The following TRPV4 variants were observed in gnomAD, a reference collection of about 807,000 sequenced individuals.
TRPV4 encodes transient receptor potential cation channel subfamily V member 4, also known as OSM9-like transient receptor potential channel 4.
Under a neutral mutation model 84.1 loss-of-function variants are expected in TRPV4, and 58 were observed. The ratio of observed to expected loss-of-function variants is 0.69; its 90% CI spans 0.56 to 0.86. The LOEUF is 0.86. Among genes scored for constraint, TRPV4 ranks in the 40% least tolerant of loss-of-function variants. The pLI is 0.00. For missense variants in TRPV4, 879 were observed against 1,181.1 expected (o/e 0.74, Z 3.75); for synonymous variants, 489 against 500.9 (o/e 0.98, Z 0.32).
rs749832753 is a variant in TRPV4 at position 109,794,501 on chromosome 12, G to A, written c.1333-14C>T. On this transcript the variant is annotated splice_polypyrimidine_tract_variant and intron_variant, in intron 7 of 15. Coordinates refer to ENST00000261740, the MANE Select transcript of TRPV4 (RefSeq NM_021625.5). ...CTCGTGGCGGTTCTAAGAGAGGCAG[G>A]GTGGTCGGGGGCTGCCTTCCTGAGA... 3.6e-5 allele frequency: 58 copies of A among 1,613,638 alleles called. No individual in the cohort carries two copies. Among genetic ancestry groups the A allele is most frequent in the Non-Finnish European group, 4.8e-5 (57 of 1,179,988 alleles).
At chr12:109,828,633 G>C (rs919089619) in intron 1 of TRPV4, among the ~76,000 whole-genome samples, 3 of 152,220 alleles carry the variant, frequency 2.0e-5, no homozygotes, top group Admixed American at 6.5e-5. Context: ...GCGGAGCTGG[G>C]AGGTAAGCTA....
chr12:109,824,299 T>C (rs1225792732), intron 1 of TRPV4, among the ~76,000 whole-genome samples: 1 of 152,072 alleles, frequency 6.6e-6, no homozygotes, highest in Non-Finnish European at 1.5e-5. Context: ...TGGCACGTAG[T>C]AGGAGCTCAA....
At chr12:109,787,741 T>G (rs368078471) in intron 13 of TRPV4, among the ~76,000 whole-genome samples, 27 of 152,296 alleles carry the variant, frequency 1.8e-4, no homozygotes, top group East Asian at 1.4e-3. Flanking sequence ...TGCACCATTT[T>G]CCTGAAATGC....
chr12:109,811,588 G>A (rs1335473848), intron 2 of TRPV4, among the ~76,000 whole-genome samples: 1 of 151,882 alleles, frequency 6.6e-6, no homozygotes, highest in East Asian at 1.9e-4. Flanking sequence ...AACCTGGGAG[G>A]TGGAGGTTGC....
chr12:109,788,760 C>CACAG (rs1387876350), intron 12 of TRPV4, 44 bp from the exon 13 acceptor site: 24 of 1,606,380 alleles, frequency 1.5e-5, no homozygotes, highest in Non-Finnish European at 2.0e-5. Flanking sequence ...TGAGCACACC[C>CACAG]ACAGAGAGGT....
At chr12:109,807,707 GT>G (rs1219978646) in intron 3 of TRPV4, among the ~76,000 whole-genome samples, 2 of 152,176 alleles carry the variant, frequency 1.3e-5, no homozygotes, top group African/African-American at 2.4e-5. Context: ...TGAGGTGGGT[GT>G]TTTGAATCTG....
chr12:109,809,148 CACT>C (rs2136616984), intron 2 of TRPV4, among the ~76,000 whole-genome samples: 1 of 148,424 alleles, frequency 6.7e-6, no homozygotes, highest in African/African-American at 2.5e-5. Flanking sequence ...ATCCATTCAT[CACT>C]CATCCATCCA....
chr12:109,811,614 C>T (rs1350364659), intron 2 of TRPV4, among the ~76,000 whole-genome samples: 56 of 150,644 alleles, frequency 3.7e-4, no homozygotes, highest in Non-Finnish European at 6.8e-4. Context: ...GCCAAGATAG[C>T]GCCACTGCAC....
At chr12:109,830,017 T>C (rs1039356053) in intron 1 of TRPV4, among the ~76,000 whole-genome samples, 2 of 152,224 alleles carry the variant, frequency 1.3e-5, no homozygotes, top group Middle Eastern at 3.2e-3. Context: ...AGTTTCACCA[T>C]GTTGCCCAGG....
At chr12:109,817,861 G>C (rs1891928570) in intron 1 of TRPV4, among the ~76,000 whole-genome samples, 1 of 152,134 alleles carries the variant, frequency 6.6e-6, no homozygotes. Flanking sequence ...AGCACTACTG[G>C]CATCTGGTAG....
Position 109,784,241 on chromosome 12 carries a change from G to C in TRPV4, c.2458+75C>G, listed in dbSNP as rs1592813193. ...AGACACGGACACTGAGTCCCGGAAA[G>C]AAGCAGGACTGCTCAAAGCAAATTC... On this transcript the variant is annotated intron_variant, in intron 15 of 15. Coordinates refer to ENST00000261740, the MANE Select transcript of TRPV4 (RefSeq NM_021625.5). 4 of 1,605,068 alleles carry C rather than the reference G, an allele frequency of 2.5e-6. No homozygotes were observed. In the East Asian group the frequency reaches 6.7e-5, roughly 27 times the overall value.
intron 1 of TRPV4, among the ~76,000 whole-genome samples, chr12:109,822,505 G>A (rs1198030446): frequency 2.6e-5 from 4 of 152,328 alleles, no homozygotes; most frequent in South Asian, 4.1e-4. Flanking sequence ...CCACCTTCCA[G>A]GTAAGAAAAC....
chr12:109,814,700 G>A lies in TRPV4; in HGVS notation c.97C>T (p.Leu33Phe), dbSNP rs1295949196. Residue 33 changes from leucine to phenylalanine, a missense_variant, in exon 2 of 16, where the codon CTC (leucine) becomes TTC (phenylalanine). Leu to Phe is a conservative substitution (Grantham distance 22). Around this residue, in one of 4 missense-constraint regions of TRPV4, gnomAD observed 107 missense variants for 99.4 expected, o/e 1.08. Coordinates refer to ENST00000261740, the MANE Select transcript of TRPV4 (RefSeq NM_021625.5). The surrounding 1 kb of genome is among the most constrained non-coding windows in gnomAD (Gnocchi z 5.4). Reference sequence around the variant, plus strand: ...TCAAACAGATTGGCCAGGGAGGAGAGAGGAAAAGCCTCCCCACCTGGGGTG... The same window carrying A: ...TCAAACAGATTGGCCAGGGAGGAGAAAGGAAAAGCCTCCCCACCTGGGGTG... Reference protein sequence around the residue: ...SGTPGGEAFPLSSLANLFEGE... With the variant: ...SGTPGGEAFPFSSLANLFEGE... 2 of 1,609,738 alleles carry A rather than the reference G, an allele frequency of 1.2e-6. No homozygotes were observed. Among genetic ancestry groups the A allele is most frequent in the Admixed American group, 3.4e-5 (2 of 59,544 alleles).
intron 7 of TRPV4, among the ~76,000 whole-genome samples, chr12:109,795,939 G>T (rs11068319): frequency 0.61 from 91,910 of 150,274 alleles, 29,119 homozygotes; most frequent in East Asian, 0.96. Context: ...ATTTTTTTTT[G>T]GTAGAGACGG....
chr12:109,816,387 C>G (rs1461587952), intron 1 of TRPV4, among the ~76,000 whole-genome samples: 2 of 152,202 alleles, frequency 1.3e-5, no homozygotes, highest in Non-Finnish European at 2.9e-5. Flanking sequence ...CCTCAGTTTC[C>G]TCCTCTGCAA....
chr12:109,818,942 C>T (rs1485764009), intron 1 of TRPV4, among the ~76,000 whole-genome samples: 2 of 152,268 alleles, frequency 1.3e-5, no homozygotes, highest in East Asian at 1.9e-4. Flanking sequence ...GCTAAGGAAA[C>T]GGAGGCTCTG....
chr12:109,822,806 G>A (rs775282064), intron 1 of TRPV4, among the ~76,000 whole-genome samples: 5 of 152,210 alleles, frequency 3.3e-5, no homozygotes, highest in Non-Finnish European at 5.9e-5. Flanking sequence ...GGGAACTGTC[G>A]TGAGGGTTAC....
intron 1 of TRPV4, among the ~76,000 whole-genome samples, chr12:109,820,541 T>TG (rs1301841105): frequency 1.4e-5 from 2 of 141,286 alleles, no homozygotes; most frequent in South Asian, 2.3e-4. Context: ...TTTTTTTTTT[T>TG]GAGACGGAGT....
At chr12:109,825,775 A>C (rs1201245699) in intron 1 of TRPV4, among the ~76,000 whole-genome samples, 1 of 152,168 alleles carries the variant, frequency 6.6e-6, no homozygotes, top group African/African-American at 2.4e-5. Context: ...TTGCCAAATC[A>C]GAGGAGGGGG....
Sources: allele counts gnomAD v4.1 joint callset (sites outside exome capture counted in the v4.1 genomes callset), GRCh38; gene constraint gnomAD v4.1.1; regional missense constraint gnomAD v4.1.1; non-coding constraint Gnocchi (gnomAD v3.1); transcripts MANE v1.5; gene names NCBI Gene and HGNC (gene_info 2026-07-23, HGNC 2026-07-21).